AHR: variants seen among roughly 807,000 people sequenced by gnomAD.
AHR encodes the protein aryl hydrocarbon receptor.
A neutral mutation model predicts 86.8 loss-of-function variants in AHR; 40 were observed. The ratio of observed to expected loss-of-function variants is 0.46; its 90% CI spans 0.36 to 0.60. The LOEUF is 0.60. Ranked by LOEUF, AHR falls within the 20% of genes least tolerant of loss-of-function variation. AHR has a pLI of 0.00. For missense variants in AHR, 1,001 were observed against 1,011.6 expected, an observed-to-expected ratio of 0.99 and a Z score of 0.14; for synonymous variants, 398 against 354.9, an observed-to-expected ratio of 1.12 and a Z score of -1.37.
In AHR at chr7:17,345,812, C is replaced by T. The variant is rs1406933578; in HGVS notation, c.*2748C>T. The stretch of plus-strand genomic sequence containing the variant: ...ATTGTTAAGTGCCAAACAAAGGATA[C>T]TTAGTGCACTGCTACATTGTGGGAT... On this transcript the variant is annotated 3_prime_UTR_variant, in exon 11 of 11. Coordinates refer to ENST00000242057, the MANE Select transcript of AHR (RefSeq NM_001621.5). The T allele has an allele frequency of 6.5e-6, 1 of 152,686 alleles. No homozygotes were observed. The highest frequency in any genetic ancestry group is 1.9e-4 in the East Asian group (1 of 5,336). 9.5% of individuals were successfully genotyped at this position (152,686 alleles called of 1,614,324 possible). A position where few individuals can be genotyped will look rare whatever the true frequency, so the allele number is the denominator to read the frequency against.
intron 10 of AHR, among the ~76,000 whole-genome samples, chr7:17,340,499 A>G (rs1355878091): frequency 6.6e-6 from 1 of 152,194 alleles, no homozygotes; most frequent in Non-Finnish European, 1.5e-5. Flanking sequence ...AAGATGACCT[A>G]AATTACCAGG....
At chr7:17,335,145 C>A in intron 8 of AHR, 149 bp downstream of exon 8, 2 of 536,814 alleles carry the variant, frequency 3.7e-6, no homozygotes, top group Non-Finnish European at 3.2e-6. Flanking sequence ...ACCAGGGTTA[C>A]ACTCTTTGTT....
At chr7:17,303,865 C>T (rs1230984558) in intron 1 of AHR, among the ~76,000 whole-genome samples, 1 of 152,054 alleles carries the variant, frequency 6.6e-6, no homozygotes, top group Non-Finnish European at 1.5e-5. Context: ...TAATTACATT[C>T]CATCATCAAT....
chr7:17,323,718 T>G (rs1400177047), intron 3 of AHR, among the ~76,000 whole-genome samples: 2 of 152,188 alleles, frequency 1.3e-5, no homozygotes, highest in Non-Finnish European at 2.9e-5. Flanking sequence ...TTATTACAAT[T>G]GTGTAATCAC....
chr7:17,340,294 C>T (rs1782406728), intron 10 of AHR, 66 bp downstream of exon 10: 3 of 1,496,216 alleles, frequency 2.0e-6, no homozygotes, highest in Admixed American at 4.7e-5. Context: ...ACATGTTACA[C>T]ATTTTTTATG....
chr7:17,324,298 T>A (rs1447159287), intron 3 of AHR, among the ~76,000 whole-genome samples: 4 of 152,172 alleles, frequency 2.6e-5, no homozygotes, highest in Non-Finnish European at 5.9e-5. Flanking sequence ...AGAAGATGAC[T>A]AAAAACATTA....
chr7:17,309,249 A>G (rs1327679477), intron 1 of AHR, among the ~76,000 whole-genome samples: 1 of 152,218 alleles, frequency 6.6e-6, no homozygotes, highest in Non-Finnish European at 1.5e-5. Context: ...ATAATTAAGT[A>G]TAATTATTGT....
At chr7:17,303,633 A>C (rs1372523182) in intron 1 of AHR, among the ~76,000 whole-genome samples, 1 of 151,918 alleles carries the variant, frequency 6.6e-6, no homozygotes, top group Non-Finnish European at 1.5e-5. Context: ...ATATTCTATA[A>C]TTTTTTTAAC....
At chr7:17,329,826 G>A in intron 4 of AHR, 126 bp from the exon 5 acceptor site, 1 of 807,066 alleles carries the variant, frequency 1.2e-6, no homozygotes, top group South Asian at 2.1e-5. Context: ...GGGAATTTTA[G>A]GAATCATTCA....
intron 3 of AHR, 71 bp from the exon 4 acceptor site, chr7:17,327,688 A>G: frequency 1.2e-6 from 1 of 814,266 alleles, no homozygotes; most frequent in East Asian, 2.9e-5. Context: ...TTCAGAGATA[A>G]AAGTAATAAC....
Sources: gnomAD v4.1 joint callset for allele counts (sites outside exome capture counted in the v4.1 genomes callset) on GRCh38, gnomAD v4.1.1 for gene constraint, MANE v1.5 for transcripts, NCBI Gene and HGNC (gene_info 2026-07-23, HGNC 2026-07-21) for gene names.